The following ASPSCR1 variants were observed in gnomAD, a reference collection of about 807,000 sequenced individuals.
ASPSCR1 encodes ASPSCR1 tether for SLC2A4, UBX domain containing.
Under a neutral mutation model 68.9 loss-of-function variants are expected in ASPSCR1, and 55 were observed. The ratio of observed to expected loss-of-function variants is 0.80; its 90% CI spans 0.64 to 1.00. ASPSCR1 has a LOEUF of 1.00. Among genes scored for constraint, ASPSCR1 ranks in the 50% least tolerant of loss-of-function variants. ASPSCR1 has a pLI of 0.00. For synonymous variants in ASPSCR1, 352 were observed against 332.6 expected, an observed-to-expected ratio of 1.06 and a Z score of -0.63; for missense variants, 765 against 762.2, an observed-to-expected ratio of 1.00 and a Z score of -0.04.
Position 82,009,580 on chromosome 17 carries a change from G to A in ASPSCR1, c.1170+13G>A, listed in dbSNP as rs530255088. 2.4e-5 allele frequency: 38 copies of A among 1,571,156 alleles called. No homozygotes were observed. The South Asian group carries it at 3.8e-4, about 16-fold the overall frequency. The stretch of plus-strand genomic sequence containing the variant: ...GCGCTACCCAAAGGTCTGCAGACAG[G>A]ATGTGGGGGCGACTGAGGCACAGCT... On this transcript the variant is annotated intron_variant, in intron 9 of 15. Transcript: ENST00000306739.
Position 81,986,411 on chromosome 17 carries a change from A to C in ASPSCR1, c.374+804A>C, listed in dbSNP as rs2041995273. On this transcript the variant is annotated intron_variant, in intron 4 of 15. Transcript: ENST00000306739. The surrounding 1 kb of genome is among the most constrained non-coding windows in gnomAD (Gnocchi z 5.2). ...ACTGCTGCACTCCAGCCTGGGCAAC[A>C]GAACGAGACTCTGTCTCAAAAAAAT... Among the ~76,000 whole-genome samples the C allele has an allele frequency of 6.6e-6, 1 of 152,258 alleles. No homozygotes were observed. The highest frequency in any genetic ancestry group is 6.5e-5 in the Admixed American group (1 of 15,286).
intron 6 of ASPSCR1, 44 bp from the exon 7 acceptor site, chr17:81,996,376 G>A (rs745909970): frequency 5.2e-6 from 8 of 1,535,252 alleles, no homozygotes; most frequent in Non-Finnish European, 7.0e-6. Flanking sequence ...TGAGCCGGGG[G>A]TAGGCACCAC....
intron 12 of ASPSCR1, 51 bp from the exon 13 acceptor site, chr17:82,016,425 G>C: frequency 2.7e-6 from 4 of 1,497,668 alleles, no homozygotes; most frequent in South Asian, 2.4e-5. Flanking sequence ...CTTCACAGCA[G>C]GGGGGTGCTC....
intron 12 of ASPSCR1, chr17:82,013,142 T>C (rs1598435079): frequency 6.6e-6 from 1 of 152,268 alleles, no homozygotes; most frequent in South Asian, 2.1e-4. Flanking sequence ...GGAGCAGGAC[T>C]GAGCGGGATT....
At position 82,000,970 on chromosome 17, in the gene ASPSCR1, G is replaced by A. The variant is rs190348988; in HGVS notation, c.933+4124G>A. Reference sequence around the variant, plus strand: ...TCCTGATCAAAGGCTGGGTCTGCCCGCACGGGCTGGCGGCTGCTGCCCTGC... The same window carrying A: ...TCCTGATCAAAGGCTGGGTCTGCCCACACGGGCTGGCGGCTGCTGCCCTGC... On this transcript the variant is annotated intron_variant, in intron 7 of 15. Coordinates refer to ENST00000306739, the MANE Select transcript of ASPSCR1 (RefSeq NM_024083.4). Among the ~76,000 whole-genome samples, 1,072 of 152,242 alleles carry A rather than the reference G, an allele frequency of 7.0e-3. 4 individuals carry two copies. The highest frequency in any genetic ancestry group is 9.8e-3 in the Non-Finnish European group (668 of 67,986).
At chr17:81,982,051 C>T (rs945566393) in intron 2 of ASPSCR1, among the ~76,000 whole-genome samples, 21 of 152,198 alleles carry the variant, frequency 1.4e-4, no homozygotes, top group Admixed American at 1.4e-3. Flanking sequence ...ACACTGCAAC[C>T]TCCGCCTCCC....
At chr17:82,011,696 C>A (rs1298168992) in intron 11 of ASPSCR1, 91 bp downstream of exon 11, 13 of 1,421,026 alleles carry the variant, frequency 9.1e-6, no homozygotes, top group Non-Finnish European at 1.3e-5. Flanking sequence ...GGGCTCGTGG[C>A]AGCTTCTCCA....
At chr17:82,002,224 T>C (rs1191164638) in intron 7 of ASPSCR1, among the ~76,000 whole-genome samples, 1 of 151,892 alleles carries the variant, frequency 6.6e-6, no homozygotes, top group Non-Finnish European at 1.5e-5. Flanking sequence ...GAGTACCTCA[T>C]GCTTTATATT....
In ASPSCR1 at chr17:81,986,880, C is replaced by G. The variant is rs939339484; in HGVS notation, c.374+1273C>G. Among the ~76,000 whole-genome samples, 2 of 151,608 alleles carry G rather than the reference C, an allele frequency of 1.3e-5. No homozygotes were observed. Among genetic ancestry groups the G allele is most frequent in the Non-Finnish European group, 2.9e-5 (2 of 67,962 alleles). ...GGTGAGAGCGCTGAGGTCTGCACGT[C>G]GGGTCTCAGTGGTCATGGGGATGGA... On this transcript the variant is annotated intron_variant, in intron 4 of 15. Transcript: ENST00000306739. This position sits in a 1 kb window ranked among gnomAD's most constrained non-coding sequence, Gnocchi z 5.2.
At chr17:81,989,443 G>A (rs900418637) in intron 4 of ASPSCR1, among the ~76,000 whole-genome samples, 1 of 152,190 alleles carries the variant, frequency 6.6e-6, no homozygotes, top group African/African-American at 2.4e-5. Flanking sequence ...CAGGAGGCTT[G>A]GGGAGGCCTT....
rs752139912 is a variant in ASPSCR1 at position 82,016,818 on chromosome 17, G to T, written c.1424G>T (p.Gly475Val). The T allele has an allele frequency of 2.5e-6, 4 of 1,610,826 alleles. No homozygotes were observed. Among genetic ancestry groups the T allele is most frequent in the Non-Finnish European group, 3.4e-6 (4 of 1,179,936 alleles). ...EEPAGVYLEPGLLEHAISPSA... is the reference protein window; with the variant it reads ...EEPAGVYLEPVLLEHAISPSA... ...CCTGCAGGTGTCTACCTGGAGCCTG[G>T]CCTGCTGGAGCATGCCATCTCCCCA... The change falls in exon 14 of 16, where the codon GGC (glycine) becomes GTC (valine). Residue 475 changes from glycine (G) to valine (V), a missense_variant. Transcript: ENST00000306739.
rs554925609 is a variant in ASPSCR1, at chr17:82,012,552, G to A, written c.1353+269G>A. 1.1e-4 allele frequency among the ~76,000 whole-genome samples: 17 copies of A among 152,260 alleles called. No individual in the cohort carries two copies. The East Asian group carries it at 2.9e-3, about 26-fold the overall frequency. On this transcript the variant is annotated intron_variant, in intron 12 of 15. Transcript: ENST00000306739. ...TGAACTGAGGCCGCTTGGAGGTCTCGGCCCCCCTGGGCTGCTGTGCTGGGG... is the reference window on the plus strand; with the variant it reads ...TGAACTGAGGCCGCTTGGAGGTCTCAGCCCCCCTGGGCTGCTGTGCTGGGG...
chr17:82,011,231 G>A (rs1294192597), intron 10 of ASPSCR1, among the ~76,000 whole-genome samples: 3 of 151,908 alleles, frequency 2.0e-5, no homozygotes, highest in South Asian at 2.1e-4. Flanking sequence ...GTACCCAGAC[G>A]GCCGGGCGGC....
chr17:81,992,101 C>T (rs1443177655), intron 4 of ASPSCR1, among the ~76,000 whole-genome samples: 1 of 152,252 alleles, frequency 6.6e-6, no homozygotes, highest in Non-Finnish European at 1.5e-5. Context: ...TGCGAGCAGG[C>T]ACCCGCGGAA....
intron 12 of ASPSCR1, chr17:82,014,923 C>G: frequency 1.0e-6 from 1 of 961,420 alleles, no homozygotes; most frequent in Non-Finnish European, 1.5e-6. Context: ...CCCCACTTCT[C>G]CCTGTCAGCC....
rs894405375 is a variant in ASPSCR1 at position 81,983,064 on chromosome 17, A to C, written c.159-490A>C. ...TCACCATGTTGGTCAGGCTTGTCTCAAACTCCTGAACCTCAGGTGATCCGC... is the reference window on the plus strand; with the variant it reads ...TCACCATGTTGGTCAGGCTTGTCTCCAACTCCTGAACCTCAGGTGATCCGC... On this transcript the variant is annotated intron_variant, in intron 2 of 15. Transcript: ENST00000306739. The surrounding 1 kb of genome is among the most constrained non-coding windows in gnomAD (Gnocchi z 4.4). Among the ~76,000 whole-genome samples, 1 of 152,114 alleles carries C rather than the reference A, an allele frequency of 6.6e-6. No individual in the cohort carries two copies. The highest frequency in any genetic ancestry group is 2.4e-5 in the African/African-American group (1 of 41,414).
At chr17:81,988,808 G>A (rs1253116874) in intron 4 of ASPSCR1, among the ~76,000 whole-genome samples, 8 of 152,210 alleles carry the variant, frequency 5.3e-5, no homozygotes, top group Non-Finnish European at 2.9e-5. Context: ...TCCCGGGCAG[G>A]GTTGCAGCAG....
intron 1 of ASPSCR1, chr17:81,978,516 AC>A (rs2041687228): frequency 6.9e-6 from 1 of 144,498 alleles, no homozygotes; most frequent in Non-Finnish European, 1.5e-5. Flanking sequence ...ACAGAGCGAG[AC>A]TCCATATCAA....
chr17:81,994,790 G>A lies in ASPSCR1; in HGVS notation c.375-31G>A, dbSNP rs770182305. On this transcript the variant is annotated intron_variant, in intron 4 of 15. Transcript: ENST00000306739. ...GTGGCACTGGTTGAGCTGCCCTGGG[G>A]TACCTGATGGTTTCTTTCCTCTCCT... The A allele has an allele frequency of 1.9e-5, 30 of 1,609,534 alleles. No individual in the cohort carries two copies. In the Admixed American group the frequency reaches 2.0e-4, roughly 11 times the overall value.
Sources: allele counts gnomAD v4.1 joint callset (sites outside exome capture counted in the v4.1 genomes callset), GRCh38; gene constraint gnomAD v4.1.1; non-coding constraint Gnocchi (gnomAD v3.1); transcripts MANE v1.5; gene names NCBI Gene and HGNC (gene_info 2026-07-23, HGNC 2026-07-21).